MAGI2: variants seen among roughly 807,000 people sequenced by gnomAD.
The protein encoded by MAGI2 is membrane associated guanylate kinase, WW and PDZ domain containing 2.
In MAGI2, 35 loss-of-function variants were observed where a neutral mutation model predicts 133.3. The observed-to-expected ratio is 0.26, with a 90% CI of 0.20 to 0.35. The LOEUF is 0.35. MAGI2 is among the 10% of genes least tolerant of loss of function. MAGI2 has a pLI of 1.00. For missense variants in MAGI2, 1,636 were observed against 1,863.4 expected (o/e 0.88, Z 2.25); for synonymous variants, 729 against 710.6 (o/e 1.03, Z -0.41).
intron 2 of MAGI2, among the ~76,000 whole-genome samples, chr7:78,858,172 A>G (rs1793825156): frequency 6.6e-6 from 1 of 151,978 alleles, no homozygotes. Flanking sequence ...CTAGTGGTCT[A>G]TCAATTTTGT....
intron 1 of MAGI2, among the ~76,000 whole-genome samples, chr7:79,060,371 G>C (rs1471453036): frequency 1.3e-5 from 2 of 151,890 alleles, no homozygotes; most frequent in Non-Finnish European, 2.9e-5. Context: ...AAAAAACTTG[G>C]TGTAATTATG....
chr7:78,713,606 T>C (rs879113096), intron 2 of MAGI2, among the ~76,000 whole-genome samples: 4 of 152,232 alleles, frequency 2.6e-5, no homozygotes, highest in Admixed American at 6.5e-5. Context: ...AAAATCCCCA[T>C]GAAACCTTGA....
intron 4 of MAGI2, among the ~76,000 whole-genome samples, chr7:78,504,725 A>G (rs1202596478): frequency 6.6e-6 from 1 of 152,170 alleles, no homozygotes. Flanking sequence ...CCTATATAAT[A>G]CTATTTTTTG....
chr7:78,465,182 C>T (rs1403519321), intron 6 of MAGI2, among the ~76,000 whole-genome samples: 1 of 152,166 alleles, frequency 6.6e-6, no homozygotes, highest in Non-Finnish European at 1.5e-5. Context: ...GCTTCACATA[C>T]ACACACATAT....
At chr7:79,184,123 C>T (rs1585142444) in intron 1 of MAGI2, among the ~76,000 whole-genome samples, 1 of 151,308 alleles carries the variant, frequency 6.6e-6, no homozygotes, top group Admixed American at 6.6e-5. Flanking sequence ...TTCAAAATTG[C>T]TAAAAGAATA....
At chr7:79,434,762 C>T (rs546070585) in intron 1 of MAGI2, among the ~76,000 whole-genome samples, 34 of 152,286 alleles carry the variant, frequency 2.2e-4, no homozygotes, top group Non-Finnish European at 3.2e-4. Context: ...ATTAACTTGA[C>T]TGGGCCATGG....
chr7:78,846,615 G>T (rs1252105561), intron 2 of MAGI2, among the ~76,000 whole-genome samples: 1 of 151,946 alleles, frequency 6.6e-6, no homozygotes, highest in Non-Finnish European at 1.5e-5. Flanking sequence ...TCTTTGAAGT[G>T]ATAATTTCCT....
At chr7:78,960,921 T>A (rs1802780097) in intron 2 of MAGI2, among the ~76,000 whole-genome samples, 1 of 152,130 alleles carries the variant, frequency 6.6e-6, no homozygotes, top group Non-Finnish European at 1.5e-5. Context: ...AATGATTCCA[T>A]ACGACCTATA....
intron 4 of MAGI2, among the ~76,000 whole-genome samples, chr7:78,510,387 A>C (rs1461886050): frequency 6.6e-6 from 1 of 152,190 alleles, no homozygotes; most frequent in South Asian, 2.1e-4. Flanking sequence ...TTAGAGTAGT[A>C]AACTGCTAGA....
At chr7:78,429,607 A>G (rs969209638) in intron 6 of MAGI2, among the ~76,000 whole-genome samples, 3 of 152,146 alleles carry the variant, frequency 2.0e-5, no homozygotes, top group Non-Finnish European at 4.4e-5. Context: ...AACTGCTGCT[A>G]TACTACTATT....
chr7:78,774,402 G>A (rs113183936), intron 2 of MAGI2, among the ~76,000 whole-genome samples: 45 of 152,260 alleles, frequency 3.0e-4, no homozygotes, highest in African/African-American at 9.6e-4. Flanking sequence ...AACGCTGTAC[G>A]AAGCCTCACA....
chr7:79,161,470 T>C (rs1462727062), intron 1 of MAGI2, among the ~76,000 whole-genome samples: 1 of 152,110 alleles, frequency 6.6e-6, no homozygotes, highest in African/African-American at 2.4e-5. Flanking sequence ...TGATGGAATG[T>C]TATCCGAAGC....
intron 21 of MAGI2, among the ~76,000 whole-genome samples, chr7:78,064,776 C>T (rs1168129370): frequency 6.6e-6 from 1 of 152,146 alleles, no homozygotes; most frequent in Non-Finnish European, 1.5e-5. Context: ...GAAATGTGGG[C>T]TGCTCTAGGG....
chr7:78,566,133 C>T (rs1160399079), intron 3 of MAGI2, among the ~76,000 whole-genome samples: 1 of 152,154 alleles, frequency 6.6e-6, no homozygotes, highest in Non-Finnish European at 1.5e-5. Context: ...GATGACATCT[C>T]TTGGAAGTCG....
At chr7:79,374,183 A>G (rs1244827153) in intron 1 of MAGI2, among the ~76,000 whole-genome samples, 1 of 152,000 alleles carries the variant, frequency 6.6e-6, no homozygotes, top group Non-Finnish European at 1.5e-5. Flanking sequence ...CTCAAAATCA[A>G]TAACCCCAGG....
intron 2 of MAGI2, among the ~76,000 whole-genome samples, chr7:78,994,246 G>T (rs1195428107): frequency 2.0e-5 from 3 of 152,060 alleles, no homozygotes; most frequent in Admixed American, 2.0e-4. Context: ...AGGGCTATTT[G>T]TTCTATTATA....
At chr7:78,299,102 G>T (rs570863088) in intron 9 of MAGI2, among the ~76,000 whole-genome samples, 4 of 152,136 alleles carry the variant, frequency 2.6e-5, no homozygotes, top group Admixed American at 6.5e-5. Flanking sequence ...ACAGGCGTGA[G>T]CTACCGTGCC....
intron 1 of MAGI2, among the ~76,000 whole-genome samples, chr7:79,440,402 T>C (rs10250567): frequency 0.11 from 17,346 of 152,060 alleles, 1,076 homozygotes; most frequent in African/African-American, 0.17. Flanking sequence ...ATGTTCTATT[T>C]TGGATAATTT....
At chr7:78,945,234 G>C (rs1204511018) in intron 2 of MAGI2, among the ~76,000 whole-genome samples, 1 of 151,210 alleles carries the variant, frequency 6.6e-6, no homozygotes, top group Non-Finnish European at 1.5e-5. Flanking sequence ...GCTAATTTTT[G>C]TATTTTTAGT....
Sources: gnomAD v4.1 joint callset for allele counts (sites outside exome capture counted in the v4.1 genomes callset) on GRCh38, gnomAD v4.1.1 for gene constraint, MANE v1.5 for transcripts, NCBI Gene and HGNC (gene_info 2026-07-23, HGNC 2026-07-21) for gene names.